SEMA6D: variants seen among roughly 807,000 people sequenced by gnomAD.
SEMA6D encodes the protein semaphorin 6D, also known as semaphorin-6D.
A neutral mutation model predicts 106.6 loss-of-function variants in SEMA6D; 35 were observed. That is an observed-to-expected ratio of 0.33 (90% confidence interval 0.25 to 0.44). SEMA6D has a LOEUF of 0.44. Among genes scored for constraint, SEMA6D ranks in the 20% least tolerant of loss-of-function variants. The pLI, the probability that SEMA6D is intolerant of heterozygous loss-of-function variation, is 1.00. For missense variants in SEMA6D, 1,185 were observed against 1,345.9 expected, an observed-to-expected ratio of 0.88 and a Z score of 1.87; for synonymous variants, 499 against 487.7, an observed-to-expected ratio of 1.02 and a Z score of -0.31.
chr15:47,697,583 A>G (rs1404674999), intron 4 of SEMA6D, among the ~76,000 whole-genome samples: 1 of 152,208 alleles, frequency 6.6e-6, no homozygotes, highest in African/African-American at 2.4e-5. Flanking sequence ...GTAATAATTT[A>G]ATAAACTGGA....
intron 4 of SEMA6D, among the ~76,000 whole-genome samples, chr15:47,637,641 A>C (rs2077413866): frequency 6.6e-6 from 1 of 152,144 alleles, no homozygotes; most frequent in South Asian, 2.1e-4. Flanking sequence ...TGATGCTATA[A>C]TAAGCTTTTG....
At chr15:47,677,900 A>C (rs1010469269) in intron 4 of SEMA6D, among the ~76,000 whole-genome samples, 1 of 152,210 alleles carries the variant, frequency 6.6e-6, no homozygotes, top group Non-Finnish European at 1.5e-5. Flanking sequence ...TCACAAAAGC[A>C]CACCCATGTT....
Position 47,771,607 on chromosome 15 carries a change from C to T in SEMA6D, c.3044C>T (p.Thr1015Ile). 1 of 1,614,072 alleles carries T rather than the reference C, an allele frequency of 6.2e-7. No individual in the cohort carries two copies. The highest frequency in any genetic ancestry group is 8.5e-7 in the Non-Finnish European group (1 of 1,179,954). Reference sequence around the variant, plus strand: ...GCGAAGGTGGACTATATTCAGGGAACACCAGTGAGTGTTCATCTGCAGCCT... The same window carrying T: ...GCGAAGGTGGACTATATTCAGGGAATACCAGTGAGTGTTCATCTGCAGCCT... The part of the protein sequence containing the change: ...TGAKVDYIQG[T>I]PVSVHLQPSL... The change falls in exon 19 of 19, where the codon ACA becomes ATA. Residue 1015 changes from threonine (T) to isoleucine (I), a missense_variant. This residue lies in a region of SEMA6D where 750 missense variants were observed against 783.5 expected (regional missense o/e 0.96). Coordinates refer to ENST00000536845, the MANE Select transcript of SEMA6D (RefSeq NM_001358351.3).
intron 4 of SEMA6D, among the ~76,000 whole-genome samples, chr15:47,650,497 G>A (rs2077666609): frequency 1.3e-5 from 2 of 152,072 alleles, no homozygotes; most frequent in South Asian, 4.1e-4. Context: ...AAAATTCTAG[G>A]CATAGCTGAC....
chr15:47,716,750 G>A (rs1229196799), upstream of SEMA6D, among the ~76,000 whole-genome samples: 1 of 151,984 alleles, frequency 6.6e-6, no homozygotes, highest in Non-Finnish European at 1.5e-5. Flanking sequence ...CATATTACAT[G>A]AAACACTTGC....
intron 1 of SEMA6D, among the ~76,000 whole-genome samples, chr15:47,307,643 G>A (rs951538865): frequency 6.6e-6 from 1 of 152,170 alleles, no homozygotes; most frequent in Non-Finnish European, 1.5e-5. Flanking sequence ...ACCATCACTA[G>A]GAGCAGTGTT....
rs568723407 is a variant in SEMA6D at position 47,256,772 on chromosome 15, T to A, written c.-239+72354T>A. On this transcript the variant is annotated intron_variant, in intron 1 of 19. Coordinates refer to the SEMA6D transcript ENST00000558014. ...TACTCAGGAGGCTGAGGCAGGAGAA[T>A]CACTTGAACCCGGGAGGTGGAGGTT... 6.9e-4 allele frequency among the ~76,000 whole-genome samples: 105 copies of A among 152,126 alleles called. 2 individuals carry two copies. The highest frequency in any genetic ancestry group is 3.4e-3 in the Middle Eastern group (1 of 292).
chr15:47,326,926 G>C (rs8032781), intron 1 of SEMA6D, among the ~76,000 whole-genome samples: 50,729 of 152,038 alleles, frequency 0.33, 9,905 homozygotes, highest in East Asian at 0.55. Context: ...GACCTATACT[G>C]TGGACATCTG....
intron 3 of SEMA6D, among the ~76,000 whole-genome samples, chr15:47,506,663 T>G (rs2044053010): frequency 6.7e-6 from 1 of 150,270 alleles, no homozygotes; most frequent in African/African-American, 2.5e-5. Context: ...CATCCCCCAG[T>G]GCCTCATTTT....
intron 1 of SEMA6D, among the ~76,000 whole-genome samples, chr15:47,757,452 T>C (rs1277128210): frequency 6.6e-6 from 1 of 152,168 alleles, no homozygotes; most frequent in East Asian, 1.9e-4. Flanking sequence ...TCTTTGTAAG[T>C]GATCAGAATA....
At chr15:47,401,366 C>A (rs2040394140) in intron 1 of SEMA6D, among the ~76,000 whole-genome samples, 1 of 152,082 alleles carries the variant, frequency 6.6e-6, no homozygotes, top group Non-Finnish European at 1.5e-5. Context: ...CAAAAACAAT[C>A]ATAAAATGTT....
intron 4 of SEMA6D, among the ~76,000 whole-genome samples, chr15:47,688,361 C>T (rs1240237077): frequency 1.3e-5 from 2 of 151,854 alleles, no homozygotes; most frequent in African/African-American, 4.8e-5. Flanking sequence ...GAGATAAAAC[C>T]TAAAAAATAT....
intron 3 of SEMA6D, among the ~76,000 whole-genome samples, chr15:47,579,812 C>T (rs2076224926): frequency 6.6e-6 from 1 of 152,118 alleles, no homozygotes; most frequent in African/African-American, 2.4e-5. Context: ...ACTCAACTCT[C>T]CATAAGATTG....
intron 3 of SEMA6D, among the ~76,000 whole-genome samples, chr15:47,551,712 C>T (rs112616447): frequency 0.099 from 2,459 of 24,892 alleles, 35 homozygotes; most frequent in Middle Eastern, 0.17. Context: ...CCCTTATGCA[C>T]CTGCATTTGA....
At chr15:47,724,916 C>T (rs1045865796) in intron 1 of SEMA6D, among the ~76,000 whole-genome samples, 1 of 152,152 alleles carries the variant, frequency 6.6e-6, no homozygotes. Flanking sequence ...TACACATGAA[C>T]GTTGCAAGGA....
chr15:47,539,375 C>A (rs913321733), intron 3 of SEMA6D, among the ~76,000 whole-genome samples: 1 of 151,188 alleles, frequency 6.6e-6, no homozygotes, highest in Admixed American at 6.6e-5. Context: ...GCCTCTGAGA[C>A]GAAGGTCATT....
At chr15:47,612,195 C>CA (rs1416807662) in intron 4 of SEMA6D, among the ~76,000 whole-genome samples, 2 of 152,118 alleles carry the variant, frequency 1.3e-5, no homozygotes, top group African/African-American at 4.8e-5. Flanking sequence ...CCCCTGAGGC[C>CA]ATACCATTGT....
intron 4 of SEMA6D, among the ~76,000 whole-genome samples, chr15:47,608,702 T>C (rs2076832137): frequency 6.6e-6 from 1 of 152,160 alleles, no homozygotes. Context: ...ATATAATATT[T>C]TCTCTGGATC....
intron 3 of SEMA6D, among the ~76,000 whole-genome samples, chr15:47,566,836 G>A (rs2046243399): frequency 6.6e-6 from 1 of 152,234 alleles, no homozygotes; most frequent in Admixed American, 6.5e-5. Flanking sequence ...CAGGCTAGCT[G>A]TGTAGTCCTG....
Sources: gnomAD v4.1 joint callset for allele counts (sites outside exome capture counted in the v4.1 genomes callset) on GRCh38, gnomAD v4.1.1 for gene constraint, gnomAD v4.1.1 regional missense constraint, MANE v1.5 for transcripts, NCBI Gene and HGNC (gene_info 2026-07-23, HGNC 2026-07-21) for gene names.